Variants in TMEM278 observed in about 807,000 individuals in gnomAD.
TMEM278 encodes transmembrane protein 88B.
At chr1:1,427,674 G>A in the TMEM278 span, 4 of 1,326,712 alleles carry the variant, frequency 3.0e-6, no homozygotes, top group Non-Finnish European at 3.9e-6. Flanking sequence ...GGCCGTCCGC[G>A]CCCGCCTAGC....
the TMEM278 span, among the ~76,000 whole-genome samples, chr1:1,427,985 AG>A: frequency 1.7e-5 from 2 of 118,676 alleles, no homozygotes; most frequent in African/African-American, 6.3e-5. Context: ...AAGAGAGGGG[AG>A]GGGAGGGGAA....
the TMEM278 span, among the ~76,000 whole-genome samples, chr1:1,427,240 C>T: frequency 2.8e-5 from 4 of 144,876 alleles, no homozygotes; most frequent in African/African-American, 2.6e-5. Flanking sequence ...CTCCCCTCCC[C>T]GCTCCACCCT....
chr1:1,427,066 C>T, the TMEM278 span, among the ~76,000 whole-genome samples: 1 of 140,812 alleles, frequency 7.1e-6, no homozygotes, highest in South Asian at 2.5e-4. Flanking sequence ...AATCCTTCAT[C>T]CCTCCATCTC....
chr1:1,428,612 C>CT, the TMEM278 span, among the ~76,000 whole-genome samples: 1 of 152,232 alleles, frequency 6.6e-6, no homozygotes, highest in Non-Finnish European at 1.5e-5. Context: ...AATTCCTTCT[C>CT]CATATCCTCA....
At chr1:1,426,271 C>T in the TMEM278 span, 11 of 1,492,520 alleles carry the variant, frequency 7.4e-6, no homozygotes, top group South Asian at 1.3e-5. Context: ...CGCTGCTGCC[C>T]GGCCGGCTGC....
At chr1:1,427,963 GCAGGGGAGGGGAAGA>G in the TMEM278 span, among the ~76,000 whole-genome samples, 1 of 143,520 alleles carries the variant, frequency 7.0e-6, no homozygotes, top group African/African-American at 2.6e-5. Context: ...GCCACGGAGG[GCAGGGGAGGGGAAGA>G]GAGGGGAGGG....
At chr1:1,429,382 C>T in the TMEM278 span, among the ~76,000 whole-genome samples, 3 of 151,926 alleles carry the variant, frequency 2.0e-5, no homozygotes, top group Non-Finnish European at 4.4e-5. Context: ...CTAAAAGTTA[C>T]ATCTGATTGT....
At chr1:1,426,850 C>A in the TMEM278 span, among the ~76,000 whole-genome samples, 1 of 151,994 alleles carries the variant, frequency 6.6e-6, no homozygotes, top group African/African-American at 2.4e-5. Flanking sequence ...CGGGGGCTGG[C>A]GCCAGCTGGT....
the TMEM278 span, chr1:1,427,630 TTC>T: frequency 1.5e-6 from 2 of 1,330,356 alleles, no homozygotes; most frequent in Middle Eastern, 2.7e-4. Flanking sequence ...GTGTTCGGGC[TTC>T]TCTCGCTGCC....
At chr1:1,429,427 T>TG in the TMEM278 span, among the ~76,000 whole-genome samples, 3 of 152,356 alleles carry the variant, frequency 2.0e-5, no homozygotes, top group East Asian at 5.8e-4. Context: ...TATGGTCTCT[T>TG]GATACATGCT....
the TMEM278 span, among the ~76,000 whole-genome samples, chr1:1,429,869 T>C: frequency 1.3e-5 from 2 of 149,456 alleles, no homozygotes; most frequent in Non-Finnish European, 2.9e-5. Context: ...CTCTGTCTGT[T>C]TGTTTACTTA....
At chr1:1,430,204 A>C in the TMEM278 span, among the ~76,000 whole-genome samples, 1 of 152,164 alleles carries the variant, frequency 6.6e-6, no homozygotes, top group African/African-American at 2.4e-5. Context: ...GGAGATATTT[A>C]CTTTCTTGGA....
At chr1:1,426,216 A>G in the TMEM278 span, 1 of 1,413,402 alleles carries the variant, frequency 7.1e-7, no homozygotes, top group Non-Finnish European at 9.3e-7. Context: ...GGACCTCCCG[A>G]CCACCAGGCC....
At chr1:1,428,903 G>A in the TMEM278 span, among the ~76,000 whole-genome samples, 3 of 151,910 alleles carry the variant, frequency 2.0e-5, no homozygotes, top group East Asian at 5.8e-4. Context: ...GGGAGGCTGA[G>A]GCAGGAGAAT....
chr1:1,428,958 C>G, the TMEM278 span, among the ~76,000 whole-genome samples: 1 of 148,912 alleles, frequency 6.7e-6, no homozygotes, highest in East Asian at 2.0e-4. Flanking sequence ...CAAGATCACG[C>G]CACTGCACTC....
chr1:1,426,162 AG>A, the TMEM278 span: 12 of 1,408,936 alleles, frequency 8.5e-6, no homozygotes, highest in Admixed American at 6.3e-5. Flanking sequence ...GAGGAGGAGG[AG>A]GGGGGAGGTG....
the TMEM278 span, chr1:1,426,146 G>A: frequency 7.1e-7 from 1 of 1,410,864 alleles, no homozygotes; most frequent in African/African-American, 1.5e-5. Flanking sequence ...GCAGGGGAGG[G>A]AGACGGAGGA....
the TMEM278 span, among the ~76,000 whole-genome samples, chr1:1,430,125 TG>T: frequency 6.6e-6 from 1 of 152,228 alleles, no homozygotes; most frequent in Non-Finnish European, 1.5e-5. Context: ...CCTAAAGTGT[TG>T]GGATTACAGG....
At chr1:1,426,361 C>G in the TMEM278 span, 1 of 1,432,054 alleles carries the variant, frequency 7.0e-7, no homozygotes, top group Non-Finnish European at 9.2e-7. Context: ...CCGTCGTCTA[C>G]CTGGGATTCC....
Sources: allele counts gnomAD v4.1 joint callset (sites outside exome capture counted in the v4.1 genomes callset), GRCh38; gene constraint gnomAD v4.1.1; transcripts MANE v1.5; gene names NCBI Gene and HGNC (gene_info 2026-07-23, HGNC 2026-07-21).